The following INPP4B variants were observed in gnomAD, a reference collection of about 807,000 sequenced individuals.
The protein encoded by INPP4B is inositol polyphosphate 4-phosphatase type II.
INPP4B carries 55 observed loss-of-function variants against 122.5 expected under a neutral mutation model. The observed-to-expected ratio is 0.45, with a 90% confidence interval of 0.36 to 0.56. The LOEUF (loss-of-function observed/expected upper bound fraction) is 0.56, where lower values mean the gene tolerates loss of function less well. Ranked by LOEUF, INPP4B falls within the 20% of genes least tolerant of loss-of-function variation. INPP4B has a pLI of 0.00. For missense variants in INPP4B, 1,000 were observed against 1,097.7 expected (o/e 0.91, Z 1.26); for synonymous variants, 403 against 388.7 (o/e 1.04, Z -0.43).
In INPP4B at chr4:142,387,459, AC is replaced by A. The variant is rs368126001; in HGVS notation, c.372+15478del. ...TACAGTGGAACATTCCAAATGAACA[AC>A]AATGCACTGAAGTGCATTTAAAAAA... On this transcript the variant is annotated intron_variant, in intron 7 of 25. Coordinates refer to ENST00000262992, the MANE Select transcript of INPP4B (RefSeq NM_001101669.3). Among the ~76,000 whole-genome samples the A allele has an allele frequency of 4.6e-5, 7 of 151,682 alleles. No homozygotes were observed. In the East Asian group the frequency reaches 1.4e-3, roughly 29 times the overall value.
At chr4:142,398,263 A>T (rs1272304706) in intron 7 of INPP4B, among the ~76,000 whole-genome samples, 1 of 149,076 alleles carries the variant, frequency 6.7e-6, no homozygotes, top group East Asian at 2.0e-4. Context: ...CTGTAGTCCC[A>T]GCTACTCGGG....
chr4:142,653,895 A>G (rs1469993473), intron 2 of INPP4B, among the ~76,000 whole-genome samples: 7 of 152,238 alleles, frequency 4.6e-5, no homozygotes, highest in African/African-American at 1.7e-4. Context: ...ATTATAAATC[A>G]TGCTACTATA....
intron 2 of INPP4B, among the ~76,000 whole-genome samples, chr4:142,509,249 T>C (rs765840724): frequency 2.6e-5 from 4 of 152,222 alleles, no homozygotes; most frequent in Non-Finnish European, 5.9e-5. Flanking sequence ...ATTTTTTAAA[T>C]TTAAGTTCTG....
intron 7 of INPP4B, among the ~76,000 whole-genome samples, chr4:142,389,529 A>G (rs1382355386): frequency 6.6e-6 from 1 of 152,222 alleles, no homozygotes; most frequent in East Asian, 1.9e-4. Flanking sequence ...TAAATTAAGC[A>G]GATCAGATAT....
At chr4:142,042,611 G>A (rs1748733565) in intron 25 of INPP4B, among the ~76,000 whole-genome samples, 1 of 151,376 alleles carries the variant, frequency 6.6e-6, no homozygotes, top group Admixed American at 6.6e-5. Context: ...CGCCCAGGCT[G>A]GAGTGCAGTG....
intron 2 of INPP4B, among the ~76,000 whole-genome samples, chr4:142,712,684 C>T (rs1763261047): frequency 6.6e-6 from 1 of 152,162 alleles, no homozygotes; most frequent in Non-Finnish European, 1.5e-5. Flanking sequence ...ATTTTAAAGA[C>T]ATATTTGTTA....
intron 17 of INPP4B, among the ~76,000 whole-genome samples, chr4:142,156,311 C>T (rs1448559115): frequency 6.6e-6 from 1 of 151,976 alleles, no homozygotes; most frequent in Non-Finnish European, 1.5e-5. Flanking sequence ...TCACAGTGTT[C>T]CACAGAATTT....
At position 142,763,326 on chromosome 4, in the gene INPP4B, T is replaced by C. The variant is rs538329778; in HGVS notation, c.-253-37425A>G. The stretch of plus-strand genomic sequence containing the variant: ...GAAGTCTTTCATAATTTTTTAAAAG[T>C]CATTAACACATTTTACTGATGAAAT... On this transcript the variant is annotated intron_variant, in intron 1 of 25. Coordinates refer to ENST00000262992, the MANE Select transcript of INPP4B (RefSeq NM_001101669.3). 3.3e-5 allele frequency among the ~76,000 whole-genome samples: 5 copies of C among 152,352 alleles called. No individual in the cohort carries two copies. The South Asian group carries it at 1.0e-3, about 32-fold the overall frequency.
At position 142,278,398 on chromosome 4, in the gene INPP4B, G is replaced by T. The variant is rs377261819; in HGVS notation, c.504-7624C>A. ...GAATTCTTTTAGTTCTGACTCATGG[G>T]CAGGAAAGTGGTCTCCTAATACTCA... On this transcript the variant is annotated intron_variant, in intron 9 of 25. Coordinates refer to ENST00000262992, the MANE Select transcript of INPP4B (RefSeq NM_001101669.3). Among the ~76,000 whole-genome samples the T allele has an allele frequency of 5.9e-5, 9 of 151,920 alleles. No individual in the cohort carries two copies. The East Asian group carries it at 1.6e-3, about 26-fold the overall frequency.
chr4:142,795,549 C>T (rs1777123742), intron 1 of INPP4B: 1 of 151,988 alleles, frequency 6.6e-6, no homozygotes, highest in African/African-American at 2.4e-5. Flanking sequence ...GGGCTGATAA[C>T]TTTTCCTTTT....
At chr4:142,102,810 C>G (rs1785137026) in intron 23 of INPP4B, among the ~76,000 whole-genome samples, 1 of 151,998 alleles carries the variant, frequency 6.6e-6, no homozygotes, top group Admixed American at 6.6e-5. Flanking sequence ...TTGTTACCTC[C>G]CTAGAACCTC....
chr4:142,067,559 T>C (rs1455854843), intron 25 of INPP4B, among the ~76,000 whole-genome samples: 2 of 152,058 alleles, frequency 1.3e-5, no homozygotes, highest in Non-Finnish European at 2.9e-5. Flanking sequence ...TTCAAACCCA[T>C]TGCAAGGAAG....
chr4:142,159,251 T>C (rs976980516), intron 17 of INPP4B, among the ~76,000 whole-genome samples: 12 of 56,150 alleles, frequency 2.1e-4, no homozygotes, highest in African/African-American at 7.3e-4. Flanking sequence ...GTGTGTACAC[T>C]TGGAACTGTG....
chr4:142,575,994 T>A (rs1195213514), intron 2 of INPP4B, among the ~76,000 whole-genome samples: 1 of 152,042 alleles, frequency 6.6e-6, no homozygotes, highest in Non-Finnish European at 1.5e-5. Context: ...CTGTTACAAA[T>A]ACACCACGTT....
intron 8 of INPP4B, among the ~76,000 whole-genome samples, chr4:142,306,311 C>T (rs1450697640): frequency 6.6e-6 from 1 of 150,420 alleles, no homozygotes; most frequent in African/African-American, 2.5e-5. Flanking sequence ...ACTTAAAAGT[C>T]ACAATATTAT....
At chr4:142,139,871 T>C (rs1806823827) in intron 18 of INPP4B, among the ~76,000 whole-genome samples, 1 of 152,208 alleles carries the variant, frequency 6.6e-6, no homozygotes. Flanking sequence ...ACAGATGGGC[T>C]CTCACCATGC....
intron 7 of INPP4B, among the ~76,000 whole-genome samples, chr4:142,357,749 T>C (rs1020967479): frequency 4.6e-5 from 7 of 152,058 alleles, no homozygotes; most frequent in Non-Finnish European, 1.0e-4. Context: ...TATTATTTTG[T>C]CTATAGTAAA....
intron 1 of INPP4B, among the ~76,000 whole-genome samples, chr4:142,817,702 A>G (rs552648850): frequency 2.6e-5 from 4 of 152,288 alleles, no homozygotes; most frequent in African/African-American, 9.6e-5. Context: ...ATCGCCCAGG[A>G]AGTCAGCTTT....
chr4:142,195,393 T>G (rs1215366375), intron 14 of INPP4B, among the ~76,000 whole-genome samples: 1 of 152,166 alleles, frequency 6.6e-6, no homozygotes, highest in South Asian at 2.1e-4. Flanking sequence ...ACTGTATTAT[T>G]TACTTAAAAA....
Sources: gnomAD v4.1 joint callset for allele counts (sites outside exome capture counted in the v4.1 genomes callset) on GRCh38, gnomAD v4.1.1 for gene constraint, MANE v1.5 for transcripts, NCBI Gene and HGNC (gene_info 2026-07-23, HGNC 2026-07-21) for gene names.